Variants in RFTN1 observed in about 807,000 individuals in gnomAD.
RFTN1 encodes raftlin.
In RFTN1, 26 loss-of-function variants were observed where a neutral mutation model predicts 46.5. The ratio of observed to expected loss-of-function variants is 0.56; its 90% CI spans 0.41 to 0.78. RFTN1 has a LOEUF of 0.78. Ranked by LOEUF, RFTN1 falls within the 30% of genes least tolerant of loss-of-function variation. The pLI is 0.00. For missense variants in RFTN1, 693 were observed against 718.7 expected (o/e 0.96, Z 0.41); for synonymous variants, 261 against 284.2 (o/e 0.92, Z 0.82).
chr3:16,501,873 C>T (rs1014892930), intron 1 of RFTN1, among the ~76,000 whole-genome samples: 1 of 152,144 alleles, frequency 6.6e-6, no homozygotes, highest in Non-Finnish European at 1.5e-5. Flanking sequence ...ATGTACCCGT[C>T]GAAAGTGTTC....
At chr3:16,390,403 G>T (rs186258346) in intron 4 of RFTN1, among the ~76,000 whole-genome samples, 1 of 152,314 alleles carries the variant, frequency 6.6e-6, no homozygotes. Flanking sequence ...TAATAAAGAG[G>T]TAAGAGCAAT....
At chr3:16,477,339 A>C (rs1212534412) in intron 2 of RFTN1, among the ~76,000 whole-genome samples, 1 of 152,232 alleles carries the variant, frequency 6.6e-6, no homozygotes, top group Non-Finnish European at 1.5e-5. Context: ...GTGTCAATTG[A>C]ATGCAATTTT....
At chr3:16,365,450 A>G (rs577424203) in intron 6 of RFTN1, among the ~76,000 whole-genome samples, 1 of 151,790 alleles carries the variant, frequency 6.6e-6, no homozygotes, top group African/African-American at 2.4e-5. Flanking sequence ...CATATTTAAT[A>G]TATATTTTAT....
chr3:16,399,252 AAG>A (rs1486797766), intron 4 of RFTN1, among the ~76,000 whole-genome samples: 1 of 152,234 alleles, frequency 6.6e-6, no homozygotes, highest in African/African-American at 2.4e-5. Flanking sequence ...TGAGAAAAAA[AAG>A]AACATCTTAA....
At chr3:16,496,248 A>T (rs2076624850) in intron 1 of RFTN1, among the ~76,000 whole-genome samples, 1 of 152,250 alleles carries the variant, frequency 6.6e-6, no homozygotes, top group South Asian at 2.1e-4. Flanking sequence ...GCCAAACATG[A>T]TGCCACAGAA....
intron 7 of RFTN1, among the ~76,000 whole-genome samples, chr3:16,333,456 A>G (rs1323145179): frequency 6.6e-6 from 1 of 150,954 alleles, no homozygotes; most frequent in Non-Finnish European, 1.5e-5. Flanking sequence ...ATCTGAGAAT[A>G]TGAGAATTGC....
intron 3 of RFTN1, among the ~76,000 whole-genome samples, chr3:16,419,501 C>T (rs1012868633): frequency 3.9e-5 from 6 of 152,110 alleles, no homozygotes; most frequent in Non-Finnish European, 8.8e-5. Flanking sequence ...AGCAGTATTT[C>T]TTGTCCCTGC....
rs1276656997 is a variant in RFTN1 at position 16,474,797 on chromosome 3, G to T, written c.145+18928C>A. On this transcript the variant is annotated intron_variant, in intron 2 of 9. Transcript: ENST00000334133. The surrounding 1 kb of genome is among the most constrained non-coding windows in gnomAD (Gnocchi z 5.5). ...TGGGAGATGACATCTTGACAAGTTG[G>T]ACTCTTTCGGGACAAAGAATACAAG... 6.6e-6 allele frequency among the ~76,000 whole-genome samples: 1 copy of T among 152,192 alleles called. No homozygotes were observed. The highest frequency in any genetic ancestry group is 2.4e-5 in the African/African-American group (1 of 41,432).
In RFTN1 at chr3:16,498,928, A is replaced by G. The variant is rs946215714; in HGVS notation, c.-8-5051T>C. On this transcript the variant is annotated intron_variant, in intron 1 of 9. Coordinates refer to ENST00000334133, the MANE Select transcript of RFTN1 (RefSeq NM_015150.2). This position sits in a 1 kb window ranked among gnomAD's most constrained non-coding sequence, Gnocchi z 5.2. ...ACTATTGTAGAGTTTTGTAGACTAT[A>G]TTATTTACCATGTGACATTCCCAAA... 3.3e-5 allele frequency among the ~76,000 whole-genome samples: 5 copies of G among 152,232 alleles called. No homozygotes were observed. Among genetic ancestry groups the G allele is most frequent in the African/African-American group, 1.2e-4 (5 of 41,460 alleles).
intron 3 of RFTN1, among the ~76,000 whole-genome samples, chr3:16,414,471 G>A (rs1198463404): frequency 6.6e-6 from 1 of 151,988 alleles, no homozygotes; most frequent in Non-Finnish European, 1.5e-5. Context: ...GCCAGGCATG[G>A]TGGTGCACGC....
chr3:16,466,964 A>G lies in RFTN1; in HGVS notation c.145+26761T>C, dbSNP rs1418910610. Reference sequence around the variant, plus strand: ...GAGGAGATGGTTAGTAGGGGGATGGATGCAAAGGCCAGATGTGGGAGAAAG... The same window carrying G: ...GAGGAGATGGTTAGTAGGGGGATGGGTGCAAAGGCCAGATGTGGGAGAAAG... On this transcript the variant is annotated intron_variant, in intron 2 of 9. Transcript: ENST00000334133. The surrounding 1 kb of genome is among the most constrained non-coding windows in gnomAD (Gnocchi z 5.6). Among the ~76,000 whole-genome samples the G allele has an allele frequency of 6.6e-6, 1 of 152,226 alleles. No individual in the cohort carries two copies. Among genetic ancestry groups the G allele is most frequent in the Non-Finnish European group, 1.5e-5 (1 of 68,042 alleles).
chr3:16,490,060 C>G (rs143587054), intron 2 of RFTN1, among the ~76,000 whole-genome samples: 1 of 152,092 alleles, frequency 6.6e-6, no homozygotes, highest in Non-Finnish European at 1.5e-5. Context: ...CATGAGAGAC[C>G]GCCAGGGAAA....
chr3:16,450,380 C>T lies in RFTN1; in HGVS notation c.146-16343G>A, dbSNP rs767221373. 2.0e-5 allele frequency among the ~76,000 whole-genome samples: 3 copies of T among 152,198 alleles called. No homozygotes were observed. Among genetic ancestry groups the T allele is most frequent in the Non-Finnish European group, 2.9e-5 (2 of 68,034 alleles). On this transcript the variant is annotated intron_variant, in intron 2 of 9. Coordinates refer to ENST00000334133, the MANE Select transcript of RFTN1 (RefSeq NM_015150.2). This position sits in a 1 kb window ranked among gnomAD's most constrained non-coding sequence, Gnocchi z 4.6. Reference sequence around the variant, plus strand: ...GGGAGGCTGAAGAGATAGTGTCTGGCCACATCCAGGTGCACAGAGGTGGTG... The same window carrying T: ...GGGAGGCTGAAGAGATAGTGTCTGGTCACATCCAGGTGCACAGAGGTGGTG...
intron 2 of RFTN1, among the ~76,000 whole-genome samples, chr3:16,469,984 C>G (rs948081926): frequency 4.6e-5 from 7 of 152,318 alleles, no homozygotes; most frequent in African/African-American, 1.7e-4. Context: ...GTGACTTGCT[C>G]AAGGTCATGG....
rs2069095055 is a variant in RFTN1, at chr3:16,321,857, A to G, written c.1332+1519T>C. Among the ~76,000 whole-genome samples, 1 of 152,154 alleles carries G rather than the reference A, an allele frequency of 6.6e-6. No homozygotes were observed. The highest frequency in any genetic ancestry group is 2.1e-4 in the South Asian group (1 of 4,832). The stretch of plus-strand genomic sequence containing the variant: ...GCAGCTTTTACAAATCTATCTCTAA[A>G]GTCTCCCTGCCGACTCAAGTTTCCA... On this transcript the variant is annotated intron_variant, in intron 9 of 9. Transcript: ENST00000334133. This position sits in a 1 kb window ranked among gnomAD's most constrained non-coding sequence, Gnocchi z 4.8.
At chr3:16,463,448 T>C (rs150246807) in intron 2 of RFTN1, among the ~76,000 whole-genome samples, 189 of 152,358 alleles carry the variant, frequency 1.2e-3, no homozygotes, top group African/African-American at 4.3e-3. Context: ...CTGCTACATA[T>C]GATCTCTCTG....
rs978064246 is a variant in RFTN1 at position 16,377,986 on chromosome 3, A to G, written c.558T>C (p.Asp186=). Residue 186 remains aspartate (D), a synonymous_variant, in exon 5 of 10, where the codon GAT becomes GAC. Coordinates refer to ENST00000334133, the MANE Select transcript of RFTN1 (RefSeq NM_015150.2). The stretch of plus-strand genomic sequence containing the variant: ...CACGTGCGTTTTTTGCATCTCTGGC[A>G]TCCTCGGTGCTGTTGGCAGTAGACA... ...APVSTANSTE[D]ARDAKNARGD... is the part of the protein sequence containing the mutation. The G allele has an allele frequency of 1.9e-6, 3 of 1,614,104 alleles. No individual in the cohort carries two copies. The highest frequency in any genetic ancestry group is 1.6e-4 in the Middle Eastern group (1 of 6,084).
Position 16,353,775 on chromosome 3 carries a change from G to A in RFTN1, c.1146+4157C>T, listed in dbSNP as rs1210176552. Among the ~76,000 whole-genome samples, 5 of 152,142 alleles carry A rather than the reference G, an allele frequency of 3.3e-5. No individual in the cohort carries two copies. Among genetic ancestry groups the A allele is most frequent in the Non-Finnish European group, 7.3e-5 (5 of 68,042 alleles). ...CCACCTGTGCGTGCTCAGAGGCAAG[G>A]GCATATGAGGATACAGTGAGAAGGA... is the stretch of plus-strand genomic sequence containing the variant. On this transcript the variant is annotated intron_variant, in intron 7 of 9. Coordinates refer to ENST00000334133, the MANE Select transcript of RFTN1 (RefSeq NM_015150.2). The surrounding 1 kb of genome is among the most constrained non-coding windows in gnomAD (Gnocchi z 5.4).
In RFTN1 at chr3:16,443,778, C is replaced by A. The variant is rs117982579; in HGVS notation, c.146-9741G>T. ...ACACACACACACACACACACACACA[C>A]ACACACCACTGTACTGTAAAAATTC... is the stretch of plus-strand genomic sequence containing the variant. On this transcript the variant is annotated intron_variant, in intron 2 of 9. Coordinates refer to ENST00000334133, the MANE Select transcript of RFTN1 (RefSeq NM_015150.2). This position sits in a 1 kb window ranked among gnomAD's most constrained non-coding sequence, Gnocchi z 5.5. Among the ~76,000 whole-genome samples, 213 of 151,842 alleles carry A rather than the reference C, an allele frequency of 1.4e-3. 7 individuals carry two copies. In the East Asian group the frequency reaches 0.039, roughly 28 times the overall value.
Sources: allele counts gnomAD v4.1 joint callset (sites outside exome capture counted in the v4.1 genomes callset), GRCh38; gene constraint gnomAD v4.1.1; non-coding constraint Gnocchi (gnomAD v3.1); transcripts MANE v1.5; gene names NCBI Gene and HGNC (gene_info 2026-07-23, HGNC 2026-07-21).